KSR1: variants seen among roughly 807,000 people sequenced by gnomAD.
The protein encoded by KSR1 is kinase suppressor of ras.
KSR1 carries 35 observed loss-of-function variants against 92.9 expected under a neutral mutation model. The observed-to-expected ratio is 0.38, with a 90% CI of 0.29 to 0.50. The LOEUF is 0.50. Among genes scored for constraint, KSR1 ranks in the 20% least tolerant of loss-of-function variants. KSR1 has a pLI of 0.94. For missense variants in KSR1, 972 were observed against 1,158.5 expected, an observed-to-expected ratio of 0.84 and a Z score of 2.34; for synonymous variants, 467 against 472.6, an observed-to-expected ratio of 0.99 and a Z score of 0.15.
intron 1 of KSR1, among the ~76,000 whole-genome samples, chr17:27,487,681 C>T (rs376862438): frequency 3.3e-5 from 5 of 150,978 alleles, no homozygotes; most frequent in South Asian, 2.1e-4. Context: ...TTTTTAGAGG[C>T]GGCGTCTCAC....
intron 11 of KSR1, among the ~76,000 whole-genome samples, chr17:27,602,694 G>A (rs918251608): frequency 6.6e-6 from 1 of 152,202 alleles, no homozygotes; most frequent in Non-Finnish European, 1.5e-5. Context: ...AGTGTGGGAT[G>A]GGTGGAAATG....
intron 1 of KSR1, among the ~76,000 whole-genome samples, chr17:27,460,620 G>A (rs1409456700): frequency 6.6e-6 from 1 of 152,146 alleles, no homozygotes; most frequent in African/African-American, 2.4e-5. Flanking sequence ...CCCTGGAGCC[G>A]CAGGGGGTCA....
intron 18 of KSR1, among the ~76,000 whole-genome samples, chr17:27,614,593 C>A (rs551394473): frequency 6.6e-6 from 1 of 152,308 alleles, no homozygotes; most frequent in East Asian, 1.9e-4. Context: ...GGGTTAAGGC[C>A]TCCCCCACAG....
intron 9 of KSR1, among the ~76,000 whole-genome samples, chr17:27,596,944 C>G (rs1212968292): frequency 6.6e-6 from 1 of 152,182 alleles, no homozygotes; most frequent in Non-Finnish European, 1.5e-5. Flanking sequence ...GCAGTAGACA[C>G]GGTGCCCTGA....
intron 19 of KSR1, among the ~76,000 whole-genome samples, chr17:27,618,844 C>A (rs2074135623): frequency 6.6e-6 from 1 of 152,194 alleles, no homozygotes; most frequent in Non-Finnish European, 1.5e-5. Context: ...TTTTAACTTT[C>A]TGAAAAACTT....
intron 1 of KSR1, among the ~76,000 whole-genome samples, chr17:27,525,266 G>A (rs1375991700): frequency 6.6e-6 from 1 of 152,246 alleles, no homozygotes; most frequent in Non-Finnish European, 1.5e-5. Flanking sequence ...ACAAGGGGGT[G>A]AAGGGTTCCT....
intron 1 of KSR1, among the ~76,000 whole-genome samples, chr17:27,466,573 G>A (rs1272266823): frequency 6.6e-6 from 1 of 152,198 alleles, no homozygotes; most frequent in East Asian, 1.9e-4. Context: ...CCCCTGATGG[G>A]CAGAAAACAA....
intron 6 of KSR1, 30 bp from the exon 7 acceptor site, chr17:27,590,781 C>T (rs370113029): frequency 1.9e-6 from 3 of 1,593,154 alleles, no homozygotes; most frequent in Non-Finnish European, 2.6e-6. Flanking sequence ...CCAGCTGGTG[C>T]AAACATGTGC....
rs913348903 is a variant in KSR1, at chr17:27,610,129, G to A, written c.2288G>A (p.Arg763His). 6 of 1,614,022 alleles carry A rather than the reference G, an allele frequency of 3.7e-6. No individual in the cohort carries two copies. Among genetic ancestry groups the A allele is most frequent in the South Asian group, 1.1e-5 (1 of 91,084 alleles). The change falls in exon 17 of 21, where the codon CGC becomes CAC. Residue 763 changes from arginine to histidine, a missense_variant. Physicochemically the swap from Arg to His is conservative, Grantham distance 29. Around this residue, in one of 5 missense-constraint regions of KSR1, gnomAD observed 260 missense variants for 375.2 expected, o/e 0.69. Transcript: ENST00000644974. ...WLCYLAPEIV[R>H]EMTPGKDEDQ... ...TGCTATCTGGCCCCTGAGATTGTAC[G>A]CGAGATGACCCCCGGGAAGGACGAG...
At chr17:27,505,617 T>C (rs1297312508) in intron 1 of KSR1, among the ~76,000 whole-genome samples, 1 of 152,240 alleles carries the variant, frequency 6.6e-6, no homozygotes, top group Non-Finnish European at 1.5e-5. Context: ...TCAGTTGCTT[T>C]ATCAGTAAAA....
chr17:27,592,306 G>A, intron 7 of KSR1, 55 bp from the exon 8 acceptor site: 1 of 1,444,940 alleles, frequency 6.9e-7, no homozygotes, highest in Non-Finnish European at 9.7e-7. Flanking sequence ...CTACCCCTGT[G>A]TGCCTGAGCC....
intron 1 of KSR1, among the ~76,000 whole-genome samples, chr17:27,529,693 T>A (rs139142503): frequency 9.8e-4 from 150 of 152,358 alleles, no homozygotes; most frequent in Non-Finnish European, 2.0e-3. Context: ...AACATGTATA[T>A]TTCCTTGGCC....
Position 27,577,442 on chromosome 17 carries a change from G to T in KSR1, c.373-50G>T. On this transcript the variant is annotated intron_variant, in intron 2 of 20. Coordinates refer to ENST00000644974, the MANE Select transcript of KSR1 (RefSeq NM_001394583.1). The surrounding 1 kb of genome is among the most constrained non-coding windows in gnomAD (Gnocchi z 4.5). ...GCCAGCCTGAGGCTGAGGGGCTCCC[G>T]GCCCAGCCGACTGCTCACCGCCTCT... 3.3e-6 allele frequency: 4 copies of T among 1,217,468 alleles called. No individual in the cohort carries two copies. The highest frequency in any genetic ancestry group is 4.6e-6 in the Non-Finnish European group (4 of 860,694). The allele number at this position is 1,217,468 out of a possible 1,614,324, so 75.4% of individuals were successfully genotyped here.
chr17:27,501,763 T>C (rs988175010), intron 1 of KSR1, among the ~76,000 whole-genome samples: 4 of 152,268 alleles, frequency 2.6e-5, no homozygotes, highest in African/African-American at 7.2e-5. Context: ...CCTCCCAAAG[T>C]GCTGGGATTA....
intron 11 of KSR1, 39 bp downstream of exon 11, chr17:27,601,440 G>A: frequency 6.3e-7 from 1 of 1,586,816 alleles, no homozygotes; most frequent in African/African-American, 1.3e-5. Flanking sequence ...GCCCTTTGCT[G>A]TGACCCCTTC....
rs75349691 is a variant in KSR1 at position 27,485,072 on chromosome 17, A to G, written c.231+28198A>G. ...AAGCCTGGATTGAACCTGGCTTCCT[A>G]TACCTGGCCCACTTCCCCAGCCTGG... On this transcript the variant is annotated intron_variant, in intron 1 of 20. Coordinates refer to ENST00000644974, the MANE Select transcript of KSR1 (RefSeq NM_001394583.1). Among the ~76,000 whole-genome samples the G allele has an allele frequency of 9.5e-3, 1,453 of 152,282 alleles. 10 individuals carry two copies. Among genetic ancestry groups the G allele is most frequent in the Non-Finnish European group, 0.014 (964 of 68,012 alleles).
intron 1 of KSR1, among the ~76,000 whole-genome samples, chr17:27,498,465 A>G (rs1434131971): frequency 1.3e-5 from 2 of 152,194 alleles, no homozygotes. Context: ...AAAAAGCCCA[A>G]TGGGGAAAAT....
At chr17:27,571,516 G>A (rs2072306393) in intron 2 of KSR1, among the ~76,000 whole-genome samples, 1 of 152,220 alleles carries the variant, frequency 6.6e-6, no homozygotes, top group Admixed American at 6.5e-5. Flanking sequence ...AGAGGGATGT[G>A]CAGGGTCCTA....
At chr17:27,494,989 TC>T (rs1322454886) in intron 1 of KSR1, among the ~76,000 whole-genome samples, 1 of 152,184 alleles carries the variant, frequency 6.6e-6, no homozygotes, top group Admixed American at 6.5e-5. Flanking sequence ...GGGAAGGGGC[TC>T]CCGGGCAGTG....
Sources: allele counts gnomAD v4.1 joint callset (sites outside exome capture counted in the v4.1 genomes callset), GRCh38; gene constraint gnomAD v4.1.1; regional missense constraint gnomAD v4.1.1; non-coding constraint Gnocchi (gnomAD v3.1); transcripts MANE v1.5; gene names NCBI Gene and HGNC (gene_info 2026-07-23, HGNC 2026-07-21).